Variants in QTGAL observed in about 807,000 individuals in gnomAD.
The protein encoded by QTGAL is BGnT-like protein 1.
chr17:82,968,138 C>T, the QTGAL span, among the ~76,000 whole-genome samples: 5 of 152,242 alleles, frequency 3.3e-5, no homozygotes, highest in South Asian at 2.1e-4. Flanking sequence ...CACGTCCATC[C>T]GGCACCATCC....
the QTGAL span, among the ~76,000 whole-genome samples, chr17:82,985,297 TCAGA>T: frequency 2.0e-5 from 3 of 152,242 alleles, no homozygotes; most frequent in African/African-American, 4.8e-5. Context: ...CAAATGTGAC[TCAGA>T]CAATGAACAT....
the QTGAL span, chr17:82,945,026 T>G: frequency 6.6e-6 from 1 of 152,186 alleles, no homozygotes; most frequent in East Asian, 1.9e-4. Flanking sequence ...TGACCAGTGG[T>G]ATTCCCAGAC....
At chr17:83,035,282 C>T in the QTGAL span, among the ~76,000 whole-genome samples, 5 of 151,756 alleles carry the variant, frequency 3.3e-5, no homozygotes, top group South Asian at 2.1e-4. Context: ...TGGGTCCAAG[C>T]GATTCTCCTG....
chr17:82,963,206 C>T, the QTGAL span, among the ~76,000 whole-genome samples: 1 of 152,198 alleles, frequency 6.6e-6, no homozygotes, highest in Non-Finnish European at 1.5e-5. Context: ...GCTAAAGCCA[C>T]TCCCAGGAAG....
chr17:82,956,829 C>A, the QTGAL span: 1 of 1,534,224 alleles, frequency 6.5e-7, no homozygotes, highest in Non-Finnish European at 8.8e-7. This position sits in a 1 kb window ranked among gnomAD's most constrained non-coding sequence, Gnocchi z 5.7. Flanking sequence ...CGGAGAGACG[C>A]CCTCAGGGTG....
At chr17:83,046,378 C>A in the QTGAL span, among the ~76,000 whole-genome samples, 3 of 152,178 alleles carry the variant, frequency 2.0e-5, no homozygotes, top group African/African-American at 7.2e-5. Context: ...CTCAGGTGGT[C>A]CACCCGTCTC....
At chr17:83,049,580 G>C in the QTGAL span, among the ~76,000 whole-genome samples, 9 of 151,788 alleles carry the variant, frequency 5.9e-5, no homozygotes, top group African/African-American at 2.2e-4. Flanking sequence ...TGTTCTAGGT[G>C]GAATAAGCAT....
chr17:82,953,568 C>T, the QTGAL span, among the ~76,000 whole-genome samples: 5 of 152,084 alleles, frequency 3.3e-5, no homozygotes, highest in South Asian at 2.1e-4. Flanking sequence ...GATTCACAGC[C>T]GAATTCTACC....
the QTGAL span, among the ~76,000 whole-genome samples, chr17:82,993,179 C>T: frequency 6.6e-6 from 1 of 151,988 alleles, no homozygotes; most frequent in South Asian, 2.1e-4. Context: ...CATAGAGTGG[C>T]TGAATGGATT....
At chr17:83,025,839 C>T in the QTGAL span, among the ~76,000 whole-genome samples, 8 of 152,248 alleles carry the variant, frequency 5.3e-5, no homozygotes, top group African/African-American at 9.6e-5. Context: ...CAGTCGTGTC[C>T]GGGTGAGTAC....
At chr17:82,965,711 G>C in the QTGAL span, 5 of 1,612,778 alleles carry the variant, frequency 3.1e-6, no homozygotes, top group Non-Finnish European at 4.2e-6. Context: ...AGAACCAGGT[G>C]GGCATGATCA....
At chr17:83,027,141 G>A in the QTGAL span, among the ~76,000 whole-genome samples, 2 of 144,940 alleles carry the variant, frequency 1.4e-5, no homozygotes, top group Admixed American at 6.9e-5. Context: ...ACCCTGGACA[G>A]ACACACGGAG....
At chr17:82,971,676 CTGGTG>C in the QTGAL span, among the ~76,000 whole-genome samples, 2 of 45,328 alleles carry the variant, frequency 4.4e-5, no homozygotes, top group African/African-American at 9.9e-5. Context: ...CCAGAAGGAC[CTGGTG>C]CCCACCACAC....
the QTGAL span, among the ~76,000 whole-genome samples, chr17:82,964,855 G>A: frequency 3.5e-5 from 3 of 84,606 alleles, no homozygotes; most frequent in Admixed American, 1.2e-4. Context: ...GGACACGGAC[G>A]CCTGCAGGTG....
chr17:82,977,678 A>G, the QTGAL span, among the ~76,000 whole-genome samples: 1 of 152,152 alleles, frequency 6.6e-6, no homozygotes, highest in Non-Finnish European at 1.5e-5. Context: ...TCAGACAACT[A>G]GAAAATCACA....
At chr17:82,991,872 T>C in the QTGAL span, among the ~76,000 whole-genome samples, 5 of 152,036 alleles carry the variant, frequency 3.3e-5, no homozygotes, top group Admixed American at 1.3e-4. Context: ...ATTAAAATAA[T>C]TAAAAAGAAG....
the QTGAL span, among the ~76,000 whole-genome samples, chr17:82,950,737 C>T: frequency 2.0e-5 from 3 of 152,334 alleles, no homozygotes; most frequent in South Asian, 2.1e-4. Flanking sequence ...ACGAACCCCT[C>T]GTACATCAGC....
At chr17:82,944,063 G>A in the QTGAL span, 1 of 152,252 alleles carries the variant, frequency 6.6e-6, no homozygotes, top group African/African-American at 2.4e-5. Context: ...AGGATGGAAG[G>A]AACAAGTGGC....
the QTGAL span, among the ~76,000 whole-genome samples, chr17:82,990,406 G>A: frequency 1.3e-5 from 2 of 152,378 alleles, no homozygotes; most frequent in African/African-American, 4.8e-5. Flanking sequence ...ACAGGCAAGA[G>A]ACTCGCCATC....
Sources: allele counts gnomAD v4.1 joint callset (sites outside exome capture counted in the v4.1 genomes callset), GRCh38; gene constraint gnomAD v4.1.1; non-coding constraint Gnocchi (gnomAD v3.1); transcripts MANE v1.5; gene names NCBI Gene and HGNC (gene_info 2026-07-23, HGNC 2026-07-21).